BHLHE40: variants seen among roughly 807,000 people sequenced by gnomAD.
BHLHE40 encodes the protein basic helix-loop-helix family member e40, also known as class E basic helix-loop-helix protein 40.
A neutral mutation model predicts 35.7 loss-of-function variants in BHLHE40; 3 were observed. The ratio of observed to expected loss-of-function variants is 0.08; its 90% confidence interval spans 0.04 to 0.22. The LOEUF is 0.22. Among genes scored for constraint, BHLHE40 ranks in the 10% least tolerant of loss-of-function variants. BHLHE40 has a pLI of 1.00. For missense variants in BHLHE40, 486 were observed against 524.0 expected (o/e 0.93, Z 0.71); for synonymous variants, 236 against 213.0 (o/e 1.11, Z -0.94).
intron 3 of BHLHE40, 141 bp downstream of exon 3, chr3:4,980,549 C>T (rs1236288776): frequency 9.3e-6 from 6 of 645,810 alleles, no homozygotes; most frequent in Non-Finnish European, 1.4e-5. Context: ...GTGGGGTCCT[C>T]CTCCACAGTC....
At chr3:4,979,913 G>C in intron 1 of BHLHE40, 49 bp from the exon 2 acceptor site, 1 of 1,611,082 alleles carries the variant, frequency 6.2e-7, no homozygotes, top group South Asian at 1.1e-5. Context: ...CAGAACGCCT[G>C]CAGCCGTGCG....
At position 4,983,847 on chromosome 3, in the gene BHLHE40, T is replaced by TGTGC. The variant is rs1285148538; in HGVS notation, c.*158_*159insCGTG. On this transcript the variant is annotated 3_prime_UTR_variant, in exon 5 of 5. Transcript: ENST00000256495. The surrounding 1 kb of genome is among the most constrained non-coding windows in gnomAD (Gnocchi z 5.0). Reference sequence around the variant, plus strand: ...GATTCAGGGTGTGTGTGTGTGTGTGTGTGTGTGTATGTGCGTGTGCGTGCA... The same window carrying TGTGC: ...GATTCAGGGTGTGTGTGTGTGTGTGTGTGCGTGTGTGTATGTGCGTGTGCGTGCA... 3.9e-6 allele frequency: 4 copies of TGTGC among 1,013,710 alleles called. No individual in the cohort carries two copies. The highest frequency in any genetic ancestry group is 5.5e-5 in the Admixed American group (2 of 36,544). 62.8% of individuals were successfully genotyped at this position (1,013,710 alleles called of 1,614,324 possible). A position where few individuals can be genotyped will look rare whatever the true frequency, so the allele number is the denominator to read the frequency against.
chr3:4,982,132 G>GA (rs1353424570), intron 4 of BHLHE40, among the ~76,000 whole-genome samples: 1 of 152,168 alleles, frequency 6.6e-6, no homozygotes, highest in Non-Finnish European at 1.5e-5. Context: ...AGACTGGGGA[G>GA]AATTATTCTA....
rs2053231557 is a variant in BHLHE40, at chr3:4,984,603, A to G, written c.*911A>G. 6.6e-6 allele frequency: 1 copy of G among 152,530 alleles called. No homozygotes were observed. The highest frequency in any genetic ancestry group is 1.5e-5 in the Non-Finnish European group (1 of 68,056). 9.4% of individuals were successfully genotyped at this position (152,530 alleles called of 1,614,324 possible). ...AGAACTAGACTCAGTTTTCAATTCC[A>G]TCCTAAAACTCCTTTTAACCAAGCT... On this transcript the variant is annotated 3_prime_UTR_variant, in exon 5 of 5. Transcript: ENST00000256495.
intron 3 of BHLHE40, among the ~76,000 whole-genome samples, chr3:4,980,636 G>A (rs190202014): frequency 1.3e-5 from 2 of 152,272 alleles, no homozygotes; most frequent in Admixed American, 1.3e-4. Context: ...AACACCAACT[G>A]GCCTTCCTTT....
At chr3:4,981,613 A>C in intron 4 of BHLHE40, 98 bp downstream of exon 4, 2 of 1,453,048 alleles carry the variant, frequency 1.4e-6, no homozygotes, top group Non-Finnish European at 1.9e-6. Context: ...ACTGCAACAA[A>C]TTGCTTATGC....
Position 4,983,787 on chromosome 3 carries a change from T to A in BHLHE40, c.*95T>A. 2 of 1,439,440 alleles carry A rather than the reference T, an allele frequency of 1.4e-6. No individual in the cohort carries two copies. Among genetic ancestry groups the A allele is most frequent in the Non-Finnish European group, 1.9e-6 (2 of 1,074,826 alleles). 89.2% of individuals were successfully genotyped at this position (1,439,440 alleles called of 1,614,324 possible). On this transcript the variant is annotated 3_prime_UTR_variant, in exon 5 of 5. Coordinates refer to ENST00000256495, the MANE Select transcript of BHLHE40 (RefSeq NM_003670.3). This position sits in a 1 kb window ranked among gnomAD's most constrained non-coding sequence, Gnocchi z 5.0. The stretch of plus-strand genomic sequence containing the variant: ...TGTGAATGCTGCAAGATTGTTGCAT[T>A]GTGTATACTGAGATAATCTGAGGCA...
Position 4,983,627 on chromosome 3 carries a change from G to C in BHLHE40, c.1174G>C (p.Asp392His), listed in dbSNP as rs756938212. ...PSPLPAHPSV[D>H]SSVLLQALKP... ...TCCCTTGCCAGCTCATCCGTCCGTC[G>C]ACTCTTCTGTCTTGCTCCAAGCTCT... Residue 392 changes from aspartate (D) to histidine (H), a missense_variant, in exon 5 of 5, where the codon GAC becomes CAC. By Grantham distance (81) the Asp-to-His change is moderately conservative (BLOSUM62 -1). Coordinates refer to ENST00000256495, the MANE Select transcript of BHLHE40 (RefSeq NM_003670.3). The surrounding 1 kb of genome is among the most constrained non-coding windows in gnomAD (Gnocchi z 5.0). 1.9e-6 allele frequency: 3 copies of C among 1,614,062 alleles called. No individual in the cohort carries two copies. Among genetic ancestry groups the C allele is most frequent in the Non-Finnish European group, 2.5e-6 (3 of 1,180,020 alleles).
At position 4,980,081 on chromosome 3, in the gene BHLHE40, T is replaced by C. The variant is rs1168863217; in HGVS notation, c.150+50T>C. Reference sequence around the variant, plus strand: ...CCTGCGCTCAGCCCCTCGCGCGCGCTGAGTTTCCAAGAAAAGTTTTCTCGC... The same window carrying C: ...CCTGCGCTCAGCCCCTCGCGCGCGCCGAGTTTCCAAGAAAAGTTTTCTCGC... On this transcript the variant is annotated intron_variant, in intron 2 of 4. Transcript: ENST00000256495. 3.8e-6 allele frequency: 6 copies of C among 1,596,582 alleles called. No individual in the cohort carries two copies. In the East Asian group the frequency reaches 8.9e-5, roughly 24 times the overall value.
chr3:4,979,498 G>A lies in BHLHE40; in HGVS notation c.-221G>A. 2 of 596,494 alleles carry A rather than the reference G, an allele frequency of 3.4e-6. No homozygotes were observed. The highest frequency in any genetic ancestry group is 6.0e-6 in the Non-Finnish European group (2 of 335,864). 37.0% of individuals were successfully genotyped at this position (596,494 alleles called of 1,614,324 possible). On this transcript the variant is annotated 5_prime_UTR_variant, in exon 1 of 5. Transcript: ENST00000256495. The stretch of plus-strand genomic sequence containing the variant: ...GGGAGCACACACCGCCAGTCTGTGC[G>A]CTGAGTCGGAGCCAGAGGCCGCGGG...
Position 4,983,968 on chromosome 3 carries a change from T to C in BHLHE40, c.*276T>C. The C allele has an allele frequency of 2.3e-6, 1 of 436,232 alleles. No individual in the cohort carries two copies. Among genetic ancestry groups the C allele is most frequent in the African/African-American group, 2.0e-5 (1 of 50,200 alleles). The allele number at this position is 436,232 out of a possible 1,614,324, so 27.0% of individuals were successfully genotyped here. On this transcript the variant is annotated 3_prime_UTR_variant, in exon 5 of 5. Transcript: ENST00000256495. The surrounding 1 kb of genome is among the most constrained non-coding windows in gnomAD (Gnocchi z 5.0). ...TGACATCAGGAGACTTGGGGGGGATTGTAGCAGACGTCTGGGCTTTTCCCC... is the reference window on the plus strand; with the variant it reads ...TGACATCAGGAGACTTGGGGGGGATCGTAGCAGACGTCTGGGCTTTTCCCC...
At position 4,983,605 on chromosome 3, in the gene BHLHE40, C is replaced by T. The variant is rs773656427; in HGVS notation, c.1152C>T (p.Pro384=). ...PLLMPQRLPS[P]LPAHPSVDSS... ...TCATGCCCCAGAGACTCCCTTCTCC[C>T]TTGCCAGCTCATCCGTCCGTCGACT... Residue 384 remains proline, a synonymous_variant, in exon 5 of 5, where the codon CCC becomes CCT. Coordinates refer to ENST00000256495, the MANE Select transcript of BHLHE40 (RefSeq NM_003670.3). The surrounding 1 kb of genome is among the most constrained non-coding windows in gnomAD (Gnocchi z 5.0). 4.3e-6 allele frequency: 7 copies of T among 1,614,188 alleles called. No homozygotes were observed. Among genetic ancestry groups the T allele is most frequent in the Non-Finnish European group, 5.9e-6 (7 of 1,180,040 alleles).
chr3:4,982,649 A>G (rs1247272061), intron 4 of BHLHE40, among the ~76,000 whole-genome samples, 187 bp from the exon 5 acceptor site: 2 of 152,152 alleles, frequency 1.3e-5, no homozygotes, highest in African/African-American at 4.8e-5. Context: ...TATATGGATT[A>G]TTTTAATTAT....
Position 4,979,675 on chromosome 3 carries a change from G to A in BHLHE40, c.-44G>A, listed in dbSNP as rs1047985243. 3.9e-6 allele frequency: 6 copies of A among 1,546,614 alleles called. No individual in the cohort carries two copies. The highest frequency in any genetic ancestry group is 5.2e-6 in the Non-Finnish European group (6 of 1,144,308). On this transcript the variant is annotated 5_prime_UTR_variant, in exon 1 of 5. Transcript: ENST00000256495. ...AGGGCAGTCCTCATCCAGACGCTCCGCTAGTGCAGACAGGAGCGCGCAGTG... is the reference window on the plus strand; with the variant it reads ...AGGGCAGTCCTCATCCAGACGCTCCACTAGTGCAGACAGGAGCGCGCAGTG...
Position 4,982,822 on chromosome 3 carries a change from T to G in BHLHE40, c.383-14T>G. 6.2e-7 allele frequency: 1 copy of G among 1,613,782 alleles called. No homozygotes were observed. Among genetic ancestry groups the G allele is most frequent in the Non-Finnish European group, 8.5e-7 (1 of 1,179,904 alleles). The stretch of plus-strand genomic sequence containing the variant: ...CCTTCTGAAACGTTTTCCTTCGGAT[T>G]TTTCTTTCCCCAGGTGAGCTGTCAG... On this transcript the variant is annotated splice_polypyrimidine_tract_variant and intron_variant, in intron 4 of 4. Transcript: ENST00000256495.
At chr3:4,980,114 T>A in intron 2 of BHLHE40, 83 bp downstream of exon 2, 1 of 1,465,118 alleles carries the variant, frequency 6.8e-7, no homozygotes. Flanking sequence ...CGCTTTGAGG[T>A]TGGCGAGGGG....
chr3:4,981,371 C>T, intron 3 of BHLHE40, 21 bp from the exon 4 acceptor site: 1 of 1,612,908 alleles, frequency 6.2e-7, no homozygotes, highest in Non-Finnish European at 8.5e-7. Flanking sequence ...TCACCGCTGA[C>T]TAAGGCTCTT....
chr3:4,981,563 T>C (rs753335159), intron 4 of BHLHE40, 48 bp downstream of exon 4: 21 of 1,598,642 alleles, frequency 1.3e-5, no homozygotes, highest in Non-Finnish European at 1.8e-5. Context: ...TGAGTGCAAA[T>C]AGAGAGCCCG....
chr3:4,984,466 A>G lies in BHLHE40; in HGVS notation c.*774A>G, dbSNP rs1333892410. 3 of 152,332 alleles carry G rather than the reference A, an allele frequency of 2.0e-5. No homozygotes were observed. Among genetic ancestry groups the G allele is most frequent in the Non-Finnish European group, 4.4e-5 (3 of 68,166 alleles). The allele number at this position is 152,332 out of a possible 1,614,324, so 9.4% of individuals were successfully genotyped here. On this transcript the variant is annotated 3_prime_UTR_variant, in exon 5 of 5. Transcript: ENST00000256495. ...GCTTCTGGCACCTGTTTCTAGGCCT[A>G]ACCATTAGTACTTACTGTGCAGGGA...
Sources: allele counts gnomAD v4.1 joint callset (sites outside exome capture counted in the v4.1 genomes callset), GRCh38; gene constraint gnomAD v4.1.1; non-coding constraint Gnocchi (gnomAD v3.1); transcripts MANE v1.5; gene names NCBI Gene and HGNC (gene_info 2026-07-23, HGNC 2026-07-21).